PRKACB: variants seen among roughly 807,000 people sequenced by gnomAD.
The protein encoded by PRKACB is protein kinase cAMP-activated catalytic subunit beta, also known as cAMP-dependent protein kinase catalytic subunit beta.
PRKACB carries 16 observed loss-of-function variants against 51.4 expected under a neutral mutation model. The ratio of observed to expected loss-of-function variants is 0.31; its 90% CI spans 0.21 to 0.47. The LOEUF is 0.47. PRKACB is among the 20% of genes least tolerant of loss of function. The pLI is 1.00. For missense variants in PRKACB, 309 were observed against 464.5 expected (o/e 0.67, Z 3.08); for synonymous variants, 147 against 154.4 (o/e 0.95, Z 0.35).
At chr1:84,101,469 C>A (rs1463094375) in intron 1 of PRKACB, among the ~76,000 whole-genome samples, 2 of 152,112 alleles carry the variant, frequency 1.3e-5, no homozygotes, top group African/African-American at 4.8e-5. Context: ...ATATTTTTTC[C>A]TTAAGCCCTG....
At chr1:84,096,139 T>C (rs1242364516) in intron 1 of PRKACB, among the ~76,000 whole-genome samples, 1 of 152,070 alleles carries the variant, frequency 6.6e-6, no homozygotes, top group Non-Finnish European at 1.5e-5. Flanking sequence ...TCTCAGTCTT[T>C]GTGAGGCTTG....
intron 1 of PRKACB, among the ~76,000 whole-genome samples, chr1:84,163,541 C>T (rs1656551132): frequency 6.6e-6 from 1 of 151,964 alleles, no homozygotes. Context: ...TGCTAGTTTT[C>T]ATGACCAGCC....
At chr1:84,181,580 A>G in intron 2 of PRKACB, 1 of 866,316 alleles carries the variant, frequency 1.2e-6, no homozygotes, top group Admixed American at 4.0e-5. Flanking sequence ...AGAATGAGGA[A>G]CTCTTCTTTC....
At chr1:84,156,155 A>AT (rs936778842) in intron 1 of PRKACB, among the ~76,000 whole-genome samples, 2 of 151,714 alleles carry the variant, frequency 1.3e-5, no homozygotes, top group Admixed American at 1.3e-4. Context: ...TGCCAGGCTA[A>AT]TTTTTTTTAA....
chr1:84,126,861 A>G (rs1357236566), intron 1 of PRKACB, among the ~76,000 whole-genome samples: 2 of 152,208 alleles, frequency 1.3e-5, no homozygotes, highest in East Asian at 1.9e-4. Context: ...TCAAAAATAT[A>G]TATGAAATCT....
At chr1:84,164,241 G>A (rs1656697304) in intron 1 of PRKACB, 2 of 1,434,036 alleles carry the variant, frequency 1.4e-6, no homozygotes, top group Non-Finnish European at 1.8e-6. Flanking sequence ...TCTGGCTCAT[G>A]AAAAATGAAA....
intron 1 of PRKACB, among the ~76,000 whole-genome samples, chr1:84,079,212 T>C (rs1647334155): frequency 6.6e-6 from 1 of 152,222 alleles, no homozygotes; most frequent in Non-Finnish European, 1.5e-5. Context: ...TATATATGTG[T>C]CAGAATGGTT....
intron 5 of PRKACB, among the ~76,000 whole-genome samples, chr1:84,194,810 C>G (rs923975683): frequency 6.6e-6 from 1 of 151,934 alleles, no homozygotes; most frequent in African/African-American, 2.4e-5. Context: ...TGGTGGTGTG[C>G]AACTGTAGTC....
At chr1:84,152,299 A>G (rs1235037145) in intron 1 of PRKACB, among the ~76,000 whole-genome samples, 2 of 152,170 alleles carry the variant, frequency 1.3e-5, no homozygotes, top group Admixed American at 1.3e-4. Context: ...TAGATTTAGC[A>G]TAGTTTTTGA....
intron 1 of PRKACB, among the ~76,000 whole-genome samples, chr1:84,116,671 C>T (rs1650660869): frequency 6.6e-6 from 1 of 152,080 alleles, no homozygotes; most frequent in Non-Finnish European, 1.5e-5. Flanking sequence ...TTGATTTTGT[C>T]TCCTGCAACT....
At chr1:84,190,823 G>A (rs1666543950) in intron 5 of PRKACB, among the ~76,000 whole-genome samples, 1 of 151,952 alleles carries the variant, frequency 6.6e-6, no homozygotes, top group South Asian at 2.1e-4. Flanking sequence ...GATCATTTAA[G>A]TTCTGTTTTA....
At chr1:84,182,466 A>G in intron 3 of PRKACB, 138 bp downstream of exon 3, 1 of 632,036 alleles carries the variant, frequency 1.6e-6, no homozygotes, top group South Asian at 7.8e-5. Context: ...TATTGTAACT[A>G]AATTTTTATT....
At chr1:84,234,380 C>T (rs1676336178) in intron 9 of PRKACB, among the ~76,000 whole-genome samples, 1 of 152,210 alleles carries the variant, frequency 6.6e-6, no homozygotes, top group South Asian at 2.1e-4. Context: ...TGTCTGTGCC[C>T]TGCCCCCAGA....
At chr1:84,172,043 A>AT (rs1572020780) in intron 1 of PRKACB, among the ~76,000 whole-genome samples, 1 of 151,632 alleles carries the variant, frequency 6.6e-6, no homozygotes, top group African/African-American at 2.4e-5. Flanking sequence ...ATCAGACATG[A>AT]TTTTTTATAC....
At chr1:84,175,184 G>A (rs1660812672) in intron 1 of PRKACB, 5 of 908,626 alleles carry the variant, frequency 5.5e-6, no homozygotes, top group Non-Finnish European at 7.4e-6. Context: ...TATTTTCATT[G>A]ATGAAGGAAA....
At chr1:84,179,122 T>TACAGAATATAAATATTCTTAC in intron 1 of PRKACB, 55 bp from the exon 2 acceptor site, 1 of 1,468,762 alleles carries the variant, frequency 6.8e-7, no homozygotes, top group Non-Finnish European at 9.2e-7. Context: ...AATATTCTTA[T>TACAGAATATAAATATTCTTAC]ACAGAATATA....
intron 1 of PRKACB, among the ~76,000 whole-genome samples, chr1:84,124,021 TTA>T (rs930709020): frequency 1.3e-5 from 2 of 152,174 alleles, no homozygotes; most frequent in Non-Finnish European, 2.9e-5. Context: ...TAAAGGGCCT[TTA>T]TTTCTGTCTG....
intron 1 of PRKACB, chr1:84,174,917 T>C: frequency 2.2e-6 from 2 of 925,990 alleles, no homozygotes; most frequent in Non-Finnish European, 2.9e-6. Context: ...ATTGAATTTC[T>C]ACATTAACAT....
intron 1 of PRKACB, among the ~76,000 whole-genome samples, chr1:84,117,979 T>C (rs966295853): frequency 6.6e-6 from 1 of 152,232 alleles, no homozygotes; most frequent in Non-Finnish European, 1.5e-5. Context: ...GCTGCAGCTG[T>C]TCATGCTTAG....
Sources: gnomAD v4.1 joint callset for allele counts (sites outside exome capture counted in the v4.1 genomes callset) on GRCh38, gnomAD v4.1.1 for gene constraint, MANE v1.5 for transcripts, NCBI Gene and HGNC (gene_info 2026-07-23, HGNC 2026-07-21) for gene names.